The following ZNF578 variants were observed in gnomAD, a reference collection of about 807,000 sequenced individuals.
ZNF578 encodes the protein Putative chemokine-related protein B42.
In ZNF578, 8 loss-of-function variants were observed where a neutral mutation model predicts 8.3. That is an observed-to-expected ratio of 0.96 (90% CI 0.56 to 1.74). ZNF578 has a LOEUF of 1.74. Among genes scored for constraint, ZNF578 ranks in the 40% most tolerant of loss-of-function variants. The pLI, the probability that ZNF578 is intolerant of heterozygous loss-of-function variation, is 0.00. For synonymous variants in ZNF578, 206 were observed against 232.2 expected (o/e 0.89, Z 1.03); for missense variants, 726 against 707.5 (o/e 1.03, Z -0.30).
At chr19:52,489,904 C>T (rs998156585) in intron 2 of ZNF578, among the ~76,000 whole-genome samples, 2 of 152,122 alleles carry the variant, frequency 1.3e-5, no homozygotes, top group South Asian at 2.1e-4. Flanking sequence ...GATCTGCCCG[C>T]CTCGGCCTCC....
chr19:52,480,610 A>AT (rs1437842730), intron 2 of ZNF578, among the ~76,000 whole-genome samples: 1 of 124,498 alleles, frequency 8.0e-6, no homozygotes, highest in African/African-American at 3.7e-5. Context: ...AAAAAAAAAA[A>AT]TTTTTGGCCG....
chr19:52,515,831 G>A lies in ZNF578; in HGVS notation c.*3677G>A, dbSNP rs1268806277. Among the ~76,000 whole-genome samples the A allele has an allele frequency of 6.6e-6, 1 of 151,978 alleles. No homozygotes were observed. Among genetic ancestry groups the A allele is most frequent in the Non-Finnish European group, 1.5e-5 (1 of 68,018 alleles). On this transcript the variant is annotated 3_prime_UTR_variant, in exon 6 of 6. Transcript: ENST00000421239. Reference sequence around the variant, plus strand: ...AAAGCAGAAGAATGGAAGAAATAGAGGTAGACTCAGACACAGAGACCATCT... The same window carrying A: ...AAAGCAGAAGAATGGAAGAAATAGAAGTAGACTCAGACACAGAGACCATCT...
At chr19:52,502,000 C>G in intron 4 of ZNF578, 92 bp downstream of exon 4, 1 of 1,506,898 alleles carries the variant, frequency 6.6e-7, no homozygotes, top group East Asian at 2.3e-5. Context: ...ATTGTAACAG[C>G]CAGTCTTTTC....
At chr19:52,482,826 A>G (rs923763611) in intron 2 of ZNF578, among the ~76,000 whole-genome samples, 6 of 151,346 alleles carry the variant, frequency 4.0e-5, no homozygotes, top group Non-Finnish European at 8.8e-5. Context: ...AATTTCAGCT[A>G]CTTCGGAGGC....
chr19:52,494,204 T>G (rs1190329153), intron 3 of ZNF578, among the ~76,000 whole-genome samples: 8 of 150,002 alleles, frequency 5.3e-5, no homozygotes, highest in East Asian at 2.0e-4. Flanking sequence ...GAAGAAAGAG[T>G]GGCTGGGCGC....
At chr19:52,492,584 A>G (rs1472067567) in intron 3 of ZNF578, among the ~76,000 whole-genome samples, 1 of 152,174 alleles carries the variant, frequency 6.6e-6, no homozygotes, top group Admixed American at 6.5e-5. Flanking sequence ...CGTTCCAGAC[A>G]ATTCCAGGGT....
rs1263138177 is a variant in ZNF578, at chr19:52,516,135, T to TA, written c.*3982dup. Among the ~76,000 whole-genome samples, 1 of 152,140 alleles carries TA rather than the reference T, an allele frequency of 6.6e-6. No homozygotes were observed. Among genetic ancestry groups the TA allele is most frequent in the Non-Finnish European group, 1.5e-5 (1 of 68,046 alleles). ...TGTCTCAGGTCATTGTCCCTGCTCT[T>TA]ACCCTATGTACCCTGTCCCTTTCTC... On this transcript the variant is annotated 3_prime_UTR_variant, in exon 6 of 6. Transcript: ENST00000421239.
chr19:52,474,108 G>T, intron 2 of ZNF578: 1 of 359,456 alleles, frequency 2.8e-6, no homozygotes, highest in African/African-American at 2.1e-5. Flanking sequence ...TGATTGCTTA[G>T]GGATAAACTA....
intron 2 of ZNF578, among the ~76,000 whole-genome samples, chr19:52,482,911 A>G (rs930872618): frequency 6.7e-6 from 1 of 148,500 alleles, no homozygotes; most frequent in Non-Finnish European, 1.5e-5. Flanking sequence ...ACCACACTGC[A>G]GCCTGGGTGA....
At chr19:52,474,020 G>A (rs2059300298) in intron 2 of ZNF578, 1 of 413,746 alleles carries the variant, frequency 2.4e-6, no homozygotes, top group Non-Finnish European at 5.0e-6. Context: ...CCAATGTCGT[G>A]CAAGGTGTGC....
chr19:52,477,769 G>A (rs1171775129), intron 2 of ZNF578, among the ~76,000 whole-genome samples: 1 of 152,146 alleles, frequency 6.6e-6, no homozygotes, highest in Non-Finnish European at 1.5e-5. Context: ...AGGTGCCAGT[G>A]CATGTTTACA....
intron 3 of ZNF578, among the ~76,000 whole-genome samples, chr19:52,495,823 C>T (rs1250620906): frequency 6.6e-6 from 1 of 152,024 alleles, no homozygotes; most frequent in Non-Finnish European, 1.5e-5. Flanking sequence ...AGGACAGTGA[C>T]TTGACTCATT....
chr19:52,510,555 G>C lies in ZNF578; in HGVS notation c.191-17G>C, dbSNP rs2059440743. The stretch of plus-strand genomic sequence containing the variant: ...TCTGCACTTAATTGCAAACGTATTG[G>C]TGTTTATATTTTGTAGATATCTCTT... On this transcript the variant is annotated splice_polypyrimidine_tract_variant and intron_variant, in intron 5 of 5. Coordinates refer to ENST00000421239, the MANE Select transcript of ZNF578 (RefSeq NM_001099694.2). The C allele has an allele frequency of 6.6e-7, 1 of 1,514,840 alleles. No homozygotes were observed. Among genetic ancestry groups the C allele is most frequent in the African/African-American group, 1.4e-5 (1 of 71,830 alleles). The allele number at this position is 1,514,840 out of a possible 1,614,324, so 93.8% of individuals were successfully genotyped here.
chr19:52,498,530 AC>A (rs1599907483), intron 3 of ZNF578, among the ~76,000 whole-genome samples: 1 of 151,928 alleles, frequency 6.6e-6, no homozygotes, highest in East Asian at 1.9e-4. Context: ...ACGGGCATTC[AC>A]CGTGTTAGCC....
chr19:52,511,654 A>T lies in ZNF578; in HGVS notation c.1273A>T (p.Lys425Ter). The T allele has an allele frequency of 6.2e-7, 1 of 1,614,084 alleles. No homozygotes were observed. The highest frequency in any genetic ancestry group is 8.5e-7 in the Non-Finnish European group (1 of 1,179,968). Residue 425 changes from lysine to a stop codon, truncating the protein, a stop_gained, in exon 6 of 6, where the codon AAA becomes TAA. Coordinates refer to ENST00000421239, the MANE Select transcript of ZNF578 (RefSeq NM_001099694.2). LOFTEE classifies it low-confidence loss of function (END_TRUNC). ...TCATCATAGACTTCATACTGGAGAG[A>T]AACCTTACAAGTGTAATGACTGTGG... ...SRHHRLHTGE[K>*]PYKCNDCGKA...
intron 3 of ZNF578, among the ~76,000 whole-genome samples, chr19:52,499,686 A>ACTGTTTTTTT (rs2059399517): frequency 1.1e-5 from 1 of 93,888 alleles, no homozygotes; most frequent in Non-Finnish European, 2.2e-5. Context: ...TCACTTCCAA[A>ACTGTTTTTTT]TCGTTTTTTT....
chr19:52,498,894 G>T (rs570041894), intron 3 of ZNF578, among the ~76,000 whole-genome samples: 14 of 152,216 alleles, frequency 9.2e-5, no homozygotes, highest in African/African-American at 3.1e-4. Context: ...TGTTGCCCGT[G>T]TTGGTCTCAG....
intron 3 of ZNF578, among the ~76,000 whole-genome samples, chr19:52,501,537 G>C (rs188303062): frequency 6.6e-6 from 1 of 152,302 alleles, no homozygotes; most frequent in Non-Finnish European, 1.5e-5. Flanking sequence ...GATGCGGTTT[G>C]ATCAGGGATG....
At chr19:52,488,820 A>C (rs148895545) in intron 2 of ZNF578, among the ~76,000 whole-genome samples, 1 of 151,552 alleles carries the variant, frequency 6.6e-6, no homozygotes, top group African/African-American at 2.4e-5. Flanking sequence ...AGGAATATCA[A>C]AGCTGGGCAT....
Sources: gnomAD v4.1 joint callset for allele counts (sites outside exome capture counted in the v4.1 genomes callset) on GRCh38, gnomAD v4.1.1 for gene constraint, MANE v1.5 for transcripts, NCBI Gene and HGNC (gene_info 2026-07-23, HGNC 2026-07-21) for gene names.